Variants in ALS2CL observed in about 807,000 individuals in gnomAD.
ALS2CL encodes the protein ALS2 C-terminal-like protein.
In ALS2CL, 112 loss-of-function variants were observed where a neutral mutation model predicts 127.9. That is an observed-to-expected ratio of 0.88 (90% confidence interval 0.75 to 1.02). The LOEUF (loss-of-function observed/expected upper bound fraction) is 1.02. Among genes scored for constraint, ALS2CL ranks in the 50% least tolerant of loss-of-function variants. The probability of loss-of-function intolerance (pLI) is 0.00; values close to 1 mark genes in which losing one functional copy is unlikely to be tolerated. For missense variants in ALS2CL, 1,174 were observed against 1,236.7 expected (o/e 0.95, Z 0.76); for synonymous variants, 519 against 527.6 (o/e 0.98, Z 0.22).
In ALS2CL at chr3:46,684,012, C is replaced by T; in HGVS notation, c.822G>A (p.Val274=). Residue 274 remains valine, a synonymous_variant, in exon 8 of 26, where the codon GTG becomes GTA. Transcript: ENST00000318962. ...HNVHTFDLKL[V]WVDPGQDGCT... Reference sequence around the variant, plus strand: ...ACCCGTCCTGCCCAGGATCCACCCACACCAGCTTCAGATCAAAGGTGTGGA... The same window carrying T: ...ACCCGTCCTGCCCAGGATCCACCCATACCAGCTTCAGATCAAAGGTGTGGA... The T allele has an allele frequency of 1.3e-6, 2 of 1,573,136 alleles. No homozygotes were observed. Among genetic ancestry groups the T allele is most frequent in the Admixed American group, 1.9e-5 (1 of 53,338 alleles).
rs747127198 is a variant in ALS2CL at position 46,685,536 on chromosome 3, C to T, written c.775G>A (p.Val259Ile). The T allele has an allele frequency of 1.1e-5, 17 of 1,613,698 alleles. No homozygotes were observed. The highest frequency in any genetic ancestry group is 2.2e-5 in the South Asian group (2 of 91,070). ...AGCCCCACCCCAACCTGCAGCAGGA[C>T]GAGGGCATCATCAAAGAGCAGCACA... is the stretch of plus-strand genomic sequence containing the variant. ...ERVLLFDDAL[V>I]LLQGHNVHTF... Residue 259 changes from valine (V) to isoleucine (I), a missense_variant, in exon 7 of 26, where the codon GTC becomes ATC. By Grantham distance (29) the Val-to-Ile change is conservative. Transcript: ENST00000318962.
Position 46,671,531 on chromosome 3 carries a change from T to C in ALS2CL, c.2738A>G (p.Asn913Ser), listed in dbSNP as rs773524385. Reference protein sequence around the residue: ...IHLIRDMMDPNHTGGLYDFLL... With the variant: ...IHLIRDMMDPSHTGGLYDFLL... The stretch of plus-strand genomic sequence containing the variant: ...GAAGTCATACAGGCCTCCTGTGTGG[T>C]TGGGGTCCATCATGTCACGGATCAG... Residue 913 changes from asparagine (N) to serine (S), a missense_variant, in exon 25 of 26, where the codon AAC becomes AGC. Transcript: ENST00000318962. The C allele has an allele frequency of 5.6e-6, 9 of 1,613,950 alleles. No individual in the cohort carries two copies. Among genetic ancestry groups the C allele is most frequent in the South Asian group, 3.3e-5 (3 of 91,064 alleles).
At chr3:46,683,027 C>A (rs9847378) in intron 10 of ALS2CL, 103 bp downstream of exon 10, 8 of 1,251,176 alleles carry the variant, frequency 6.4e-6, no homozygotes, top group Non-Finnish European at 8.5e-6. Context: ...AGAGAGTAAC[C>A]GCTCCTGGAA....
intron 22 of ALS2CL, among the ~76,000 whole-genome samples, chr3:46,672,899 G>A (rs77123397): frequency 6.6e-5 from 10 of 152,170 alleles, no homozygotes; most frequent in African/African-American, 2.4e-4. Context: ...CCAGCTACTC[G>A]GGAGGCTGAG....
chr3:46,677,325 T>C (rs1698939449), intron 16 of ALS2CL: 3 of 1,230,290 alleles, frequency 2.4e-6, no homozygotes, highest in African/African-American at 3.1e-5. Flanking sequence ...GAGGGGGTCT[T>C]GGTCCAAGAG....
At position 46,676,318 on chromosome 3, in the gene ALS2CL, C is replaced by A. The variant is rs1575415355; in HGVS notation, c.2113G>T (p.Ala705Ser). 6.2e-7 allele frequency: 1 copy of A among 1,613,768 alleles called. No homozygotes were observed. The highest frequency in any genetic ancestry group is 2.2e-5 in the East Asian group (1 of 44,856). Residue 705 changes from alanine (A) to serine (S), a missense_variant, in exon 19 of 26, where the codon GCC becomes TCC. Ala to Ser is a moderately conservative substitution (Grantham distance 99, BLOSUM62 1). Coordinates refer to ENST00000318962, the MANE Select transcript of ALS2CL (RefSeq NM_147129.5). ...TFQATYAGVG[A>S]NKHLQELAQE... ...GCCAGCTCCTGCAGGTGCTTGTTGG[C>A]CCCGACACCTGCGTAGGTAGCCTGG...
chr3:46,671,783 G>A, intron 24 of ALS2CL, 101 bp downstream of exon 24: 6 of 1,552,758 alleles, frequency 3.9e-6, no homozygotes, highest in South Asian at 2.5e-5. Context: ...ACAGAGAGAA[G>A]CTGCATCCAT....
intron 15 of ALS2CL, 59 bp from the exon 16 acceptor site, chr3:46,678,448 C>A: frequency 6.4e-7 from 1 of 1,564,992 alleles, no homozygotes; most frequent in Non-Finnish European, 8.7e-7. Context: ...TCCAGCCAAT[C>A]ATGACAGGCC....
intron 18 of ALS2CL, 44 bp downstream of exon 18, chr3:46,676,598 C>A (rs1364548640): frequency 6.3e-7 from 1 of 1,598,562 alleles, no homozygotes; most frequent in Admixed American, 1.7e-5. Flanking sequence ...CCACCAGGGA[C>A]AGTGACAATG....
chr3:46,686,385 G>A lies in ALS2CL; in HGVS notation c.589C>T (p.Gln197Ter). 3 of 1,613,778 alleles carry A rather than the reference G, an allele frequency of 1.9e-6. No homozygotes were observed. Among genetic ancestry groups the A allele is most frequent in the Non-Finnish European group, 2.5e-6 (3 of 1,179,908 alleles). The change falls in exon 6 of 26, where the codon CAG becomes TAG. Residue 197 changes from glutamine (Q) to a stop codon, truncating the protein, a stop_gained. Coordinates refer to ENST00000318962, the MANE Select transcript of ALS2CL (RefSeq NM_147129.5). LOFTEE classifies it high-confidence loss of function. The surrounding 1 kb of genome is among the most constrained non-coding windows in gnomAD (Gnocchi z 4.3). Reference protein sequence around the residue: ...VNAVTLFGNLQSFMKQELDQA... With the variant: ...VNAVTLFGNL Reference sequence around the variant, plus strand: ...TCCAACTCCTGCTTCATGAAGGACTGCAGGTTCCCAAAGAGGGTGACTGCG... The same window carrying A: ...TCCAACTCCTGCTTCATGAAGGACTACAGGTTCCCAAAGAGGGTGACTGCG...
chr3:46,682,737 A>G (rs1471293495), intron 10 of ALS2CL, among the ~76,000 whole-genome samples: 1 of 152,136 alleles, frequency 6.6e-6, no homozygotes, highest in Non-Finnish European at 1.5e-5. Flanking sequence ...GTACCTATGA[A>G]ATGGGTAAAA....
chr3:46,673,451 T>G, intron 21 of ALS2CL, 70 bp from the exon 22 acceptor site: 1 of 1,466,294 alleles, frequency 6.8e-7, no homozygotes, highest in Non-Finnish European at 9.3e-7. Flanking sequence ...AGAGGGCAAA[T>G]TCCCTATGCC....
Position 46,670,811 on chromosome 3 carries a change from ACC to A in ALS2CL, c.*171_*172del, listed in dbSNP as rs1698322577. The A allele has an allele frequency of 7.8e-6, 5 of 639,322 alleles. No homozygotes were observed. In the Admixed American group the frequency reaches 1.3e-4, roughly 17 times the overall value. 39.6% of individuals were successfully genotyped at this position (639,322 alleles called of 1,614,324 possible). A position where few individuals can be genotyped will look rare whatever the true frequency, so the allele number is the denominator to read the frequency against. On this transcript the variant is annotated 3_prime_UTR_variant, in exon 26 of 26. Transcript: ENST00000318962. The surrounding 1 kb of genome is among the most constrained non-coding windows in gnomAD (Gnocchi z 5.5). The stretch of plus-strand genomic sequence containing the variant: ...CACCACATCCAGGGCCACACCCGTC[ACC>A]CCTCACCCTCATCCCAGTCAGGGCA...
chr3:46,681,731 G>C lies in ALS2CL; in HGVS notation c.1176-133C>G. On this transcript the variant is annotated intron_variant, in intron 11 of 25. Transcript: ENST00000318962. This position sits in a 1 kb window ranked among gnomAD's most constrained non-coding sequence, Gnocchi z 4.9. ...ACAGGGAGACTCTCAGAGGCCCTCA[G>C]CCTTCCTATCCTTCAAAGGGCCCCT... 1 of 930,154 alleles carries C rather than the reference G, an allele frequency of 1.1e-6. No individual in the cohort carries two copies. The highest frequency in any genetic ancestry group is 1.6e-5 in the South Asian group (1 of 62,852). The allele number at this position is 930,154 out of a possible 1,614,324, so 57.6% of individuals were successfully genotyped here. A position where few individuals can be genotyped will look rare whatever the true frequency, so the allele number is the denominator to read the frequency against.
At position 46,682,047 on chromosome 3, in the gene ALS2CL, C is replaced by T. The variant is rs138517206; in HGVS notation, c.1157G>A (p.Cys386Tyr). The T allele has an allele frequency of 6.2e-7, 1 of 1,614,096 alleles. No individual in the cohort carries two copies. Among genetic ancestry groups the T allele is most frequent in the East Asian group, 2.2e-5 (1 of 44,870 alleles). Residue 386 changes from cysteine (C) to tyrosine (Y), a missense_variant, in exon 11 of 26, where the codon TGC (cysteine) becomes TAC (tyrosine). By Grantham distance (194) the Cys-to-Tyr change is radical. Transcript: ENST00000318962. The part of the protein sequence containing the change: ...PDGRNHVGNF[C>Y]QGLEHGFGIR... ...GCCTTACCCATGCTCCAGGCCCTGG[C>T]AGAAATTCCCCACGTGATTCCGCCC...
In ALS2CL at chr3:46,681,281, C is replaced by T. The variant is rs923781703; in HGVS notation, c.1401G>A (p.Gln467=). Residue 467 remains glutamine (Q), a synonymous_variant, in exon 13 of 26, where the codon CAG becomes CAA. Transcript: ENST00000318962. This position sits in a 1 kb window ranked among gnomAD's most constrained non-coding sequence, Gnocchi z 4.9. ...FRYTGHWERG[Q]RSGYGIEEDG... The stretch of plus-strand genomic sequence containing the variant: ...CCTCCTCAATGCCATAGCCGCTCCT[C>T]TGGCCCCTCTCCCAGTGGCCCGTGT... 1.2e-6 allele frequency: 2 copies of T among 1,613,912 alleles called. No homozygotes were observed. Among genetic ancestry groups the T allele is most frequent in the African/African-American group, 2.7e-5 (2 of 74,916 alleles).
At chr3:46,687,787 C>A in intron 3 of ALS2CL, 103 bp from the exon 4 acceptor site, 1 of 1,241,124 alleles carries the variant, frequency 8.1e-7, no homozygotes, top group South Asian at 1.5e-5. Flanking sequence ...TCAGCTGCAG[C>A]CCTGAGGGCC....
Position 46,686,719 on chromosome 3 carries a change from C to T in ALS2CL, c.534+264G>A, listed in dbSNP as rs1204323241. Among the ~76,000 whole-genome samples the T allele has an allele frequency of 6.6e-6, 1 of 152,040 alleles. No homozygotes were observed. Among genetic ancestry groups the T allele is most frequent in the Non-Finnish European group, 1.5e-5 (1 of 67,994 alleles). On this transcript the variant is annotated intron_variant, in intron 5 of 25. Transcript: ENST00000318962. The surrounding 1 kb of genome is among the most constrained non-coding windows in gnomAD (Gnocchi z 4.3). Reference sequence around the variant, plus strand: ...GCAGGGCCACGTGCCTCAGACACCGCAGGGAAGGGCAGTGCTTTCACCCAC... The same window carrying T: ...GCAGGGCCACGTGCCTCAGACACCGTAGGGAAGGGCAGTGCTTTCACCCAC...
intron 7 of ALS2CL, 152 bp from the exon 8 acceptor site, chr3:46,684,199 G>C: frequency 1.1e-6 from 1 of 910,044 alleles, no homozygotes. Context: ...CCTCTGGCTT[G>C]CTCCCCACCT....
Sources: gnomAD v4.1 joint callset for allele counts (sites outside exome capture counted in the v4.1 genomes callset) on GRCh38, gnomAD v4.1.1 for gene constraint, Gnocchi (gnomAD v3.1) non-coding constraint, MANE v1.5 for transcripts, NCBI Gene and HGNC (gene_info 2026-07-23, HGNC 2026-07-21) for gene names.